PDAP1: variants seen among roughly 807,000 people sequenced by gnomAD.
The protein encoded by PDAP1 is PDGFA associated protein 1.
In PDAP1, 13 loss-of-function variants were observed where a neutral mutation model predicts 28.0. That is an observed-to-expected ratio of 0.46 (90% CI 0.30 to 0.74). The LOEUF is 0.74. Ranked by LOEUF, PDAP1 falls within the 30% of genes least tolerant of loss-of-function variation. The pLI is 0.07. For missense variants in PDAP1, 150 were observed against 230.0 expected, an observed-to-expected ratio of 0.65 and a Z score of 2.25; for synonymous variants, 77 against 85.1, an observed-to-expected ratio of 0.91 and a Z score of 0.52.
chr7:99,408,174 G>A (rs1321736688), intron 1 of PDAP1, among the ~76,000 whole-genome samples: 1 of 152,168 alleles, frequency 6.6e-6, no homozygotes, highest in African/African-American at 2.4e-5. Context: ...TTTTACGCGA[G>A]AGGCAGGCGG....
intron 3 of PDAP1, among the ~76,000 whole-genome samples, chr7:99,402,746 G>A (rs568797994): frequency 6.6e-6 from 1 of 151,782 alleles, no homozygotes; most frequent in East Asian, 1.9e-4. Flanking sequence ...GCCCGGCGTG[G>A]TGGCAGGCGC....
intron 5 of PDAP1, 77 bp downstream of exon 5, chr7:99,397,785 G>C (rs1794794666): frequency 6.5e-7 from 1 of 1,546,038 alleles, no homozygotes; most frequent in Non-Finnish European, 8.8e-7. Flanking sequence ...CGCGGACAGG[G>C]ACACGAGTTC....
chr7:99,407,189 G>C (rs2150908927), intron 1 of PDAP1, among the ~76,000 whole-genome samples: 1 of 152,246 alleles, frequency 6.6e-6, no homozygotes, highest in South Asian at 2.1e-4. Context: ...GTTTTTTGTG[G>C]TTTTCAGATT....
chr7:99,397,711 G>A, intron 5 of PDAP1, 151 bp downstream of exon 5: 1 of 839,992 alleles, frequency 1.2e-6, no homozygotes, highest in East Asian at 2.7e-5. Context: ...GGCAGGCACA[G>A]GGAGGGTGGC....
intron 3 of PDAP1, among the ~76,000 whole-genome samples, chr7:99,402,944 G>A (rs2150906454): frequency 6.6e-6 from 1 of 150,952 alleles, no homozygotes; most frequent in Non-Finnish European, 1.5e-5. Context: ...CTACACAGGA[G>A]GTGCCCTTGC....
At chr7:99,402,886 AAAAAAAAAAAG>A (rs796657633) in intron 3 of PDAP1, among the ~76,000 whole-genome samples, 6 of 131,330 alleles carry the variant, frequency 4.6e-5, no homozygotes, top group South Asian at 2.1e-4. Context: ...CTCAAAAAAA[AAAAAAAAAAAG>A]AAAAGAAAAG....
At chr7:99,405,505 G>A (rs1291304366) in intron 1 of PDAP1, among the ~76,000 whole-genome samples, 1 of 152,056 alleles carries the variant, frequency 6.6e-6, no homozygotes, top group African/African-American at 2.4e-5. Flanking sequence ...GACTACAGGC[G>A]TGCACCACTA....
At chr7:99,402,229 A>C (rs1206669747) in intron 3 of PDAP1, among the ~76,000 whole-genome samples, 3 of 111,370 alleles carry the variant, frequency 2.7e-5, no homozygotes. Flanking sequence ...TCCATCTCCC[A>C]AAAAAAAAAA....
intron 3 of PDAP1, among the ~76,000 whole-genome samples, chr7:99,401,735 G>C (rs1358443155): frequency 7.3e-6 from 1 of 136,736 alleles, no homozygotes; most frequent in Non-Finnish European, 1.6e-5. Context: ...GTCTCACTCT[G>C]TCGCCCAGGC....
At position 99,394,687 on chromosome 7, in the gene PDAP1, TTTCA is replaced by T; in HGVS notation, c.*1991_*1994del. The T allele has an allele frequency of 7.6e-7, 1 of 1,309,714 alleles. No individual in the cohort carries two copies. The highest frequency in any genetic ancestry group is 9.6e-7 in the Non-Finnish European group (1 of 1,041,228). 81.1% of individuals were successfully genotyped at this position (1,309,714 alleles called of 1,614,324 possible). ...GAATACGTGCCTTTTTCTTAAATGC[TTTCA>T]TTTATTGAAAAAAAAAAAAAATGCC... On this transcript the variant is annotated 3_prime_UTR_variant, in exon 6 of 6. Coordinates refer to ENST00000350498, the MANE Select transcript of PDAP1 (RefSeq NM_014891.7).
chr7:99,395,587 C>A lies in PDAP1; in HGVS notation c.*1095G>T, dbSNP rs541948270. On this transcript the variant is annotated 3_prime_UTR_variant, in exon 6 of 6. Coordinates refer to ENST00000350498, the MANE Select transcript of PDAP1 (RefSeq NM_014891.7). ...CCTGTGCTGAAGGGCATTTGCACAT[C>A]TTTTGTGGCTTCTCTCAGGAAAATG... is the stretch of plus-strand genomic sequence containing the variant. 6.6e-6 allele frequency: 1 copy of A among 152,392 alleles called. No individual in the cohort carries two copies. The highest frequency in any genetic ancestry group is 1.9e-4 in the East Asian group (1 of 5,198). The allele number at this position is 152,392 out of a possible 1,614,324, so 9.4% of individuals were successfully genotyped here.
At chr7:99,405,211 C>T (rs951132718) in intron 1 of PDAP1, among the ~76,000 whole-genome samples, 3 of 152,190 alleles carry the variant, frequency 2.0e-5, no homozygotes, top group African/African-American at 2.4e-5. Context: ...ACATGGCGGA[C>T]GGTGCACTGC....
intron 2 of PDAP1, 141 bp downstream of exon 2, chr7:99,404,721 A>G (rs916353587): frequency 3.3e-6 from 2 of 613,444 alleles, no homozygotes; most frequent in Admixed American, 5.5e-5. Context: ...TGAGACTCAC[A>G]CCTGGGGCTC....
chr7:99,408,090 C>A (rs1287664401), intron 1 of PDAP1, among the ~76,000 whole-genome samples: 1 of 152,106 alleles, frequency 6.6e-6, no homozygotes, highest in African/African-American at 2.4e-5. Context: ...GAAACCAGGT[C>A]TGGAAGGCTC....
At chr7:99,402,274 C>A (rs1252681482) in intron 3 of PDAP1, among the ~76,000 whole-genome samples, 3 of 149,730 alleles carry the variant, frequency 2.0e-5, no homozygotes, top group African/African-American at 7.4e-5. Context: ...TCTCTCAATC[C>A]CTTCAAGGCC....
At chr7:99,403,258 G>A in intron 3 of PDAP1, 140 bp downstream of exon 3, 1 of 620,932 alleles carries the variant, frequency 1.6e-6, no homozygotes, top group East Asian at 2.7e-5. Context: ...TTACTTCTTT[G>A]TTGTATCTCC....
intron 4 of PDAP1, 25 bp from the exon 5 acceptor site, chr7:99,398,038 G>T (rs1358985247): frequency 6.2e-7 from 1 of 1,612,902 alleles, no homozygotes; most frequent in East Asian, 2.2e-5. Flanking sequence ...TGGTGTCATG[G>T]GGACATCTTT....
chr7:99,404,720 C>T (rs1031332693), intron 2 of PDAP1, 142 bp downstream of exon 2: 2 of 612,564 alleles, frequency 3.3e-6, no homozygotes. Context: ...CTGAGACTCA[C>T]ACCTGGGGCT....
At position 99,401,911 on chromosome 7, in the gene PDAP1, G is replaced by A. The variant is rs1025904259; in HGVS notation, c.213+1487C>T. ...GGGGTTTCACTGTGTTAGCCAGGAT[G>A]GTCTCGATCTCCTGACCTTGTGATC... is the stretch of plus-strand genomic sequence containing the variant. On this transcript the variant is annotated intron_variant, in intron 3 of 5. Transcript: ENST00000350498. Among the ~76,000 whole-genome samples, 34 of 151,850 alleles carry A rather than the reference G, an allele frequency of 2.2e-4. 1 individual carries two copies. Among genetic ancestry groups the A allele is most frequent in the Admixed American group, 9.8e-4 (15 of 15,242 alleles).
Sources: allele counts gnomAD v4.1 joint callset (sites outside exome capture counted in the v4.1 genomes callset), GRCh38; gene constraint gnomAD v4.1.1; transcripts MANE v1.5; gene names NCBI Gene and HGNC (gene_info 2026-07-23, HGNC 2026-07-21).